The following ASPRV1 variants were observed in gnomAD, a reference collection of about 807,000 sequenced individuals.
ASPRV1 encodes the protein retroviral-like aspartic protease 1.
ASPRV1 carries 7 observed loss-of-function variants against 11.0 expected under a neutral mutation model. That is an observed-to-expected ratio of 0.64 (90% CI 0.36 to 1.20). The LOEUF is 1.20. Among genes scored for constraint, ASPRV1 ranks in the 50% most tolerant of loss-of-function variants. The pLI, the probability that ASPRV1 is intolerant of heterozygous loss-of-function variation, is 0.02. For missense variants in ASPRV1, 299 were observed against 320.0 expected, an observed-to-expected ratio of 0.93 and a Z score of 0.50; for synonymous variants, 136 against 138.4, an observed-to-expected ratio of 0.98 and a Z score of 0.12.
At chr2:69,957,885 A>T (rs942580003), downstream of ASPRV1, among the ~76,000 whole-genome samples, 1 of 152,076 alleles carries the variant, frequency 6.6e-6, no homozygotes, top group African/African-American at 2.4e-5. Context: ...CCTCCTTTCC[A>T]TCATTGCAAA....
the ASPRV1 span, among the ~76,000 whole-genome samples, chr2:70,074,857 C>CTATAATCCCA: frequency 1.3e-5 from 2 of 151,336 alleles, no homozygotes; most frequent in Non-Finnish European, 2.9e-5. Flanking sequence ...TGGCTCACGC[C>CTATAATCCCA]TATAATCCCA....
At chr2:70,009,892 G>T in the ASPRV1 span, among the ~76,000 whole-genome samples, 15 of 152,166 alleles carry the variant, frequency 9.9e-5, no homozygotes, top group Non-Finnish European at 2.9e-5. Flanking sequence ...GTATCTGTAG[G>T]GCGAAGCCCC....
the ASPRV1 span, among the ~76,000 whole-genome samples, chr2:69,982,728 C>T: frequency 6.6e-6 from 1 of 152,078 alleles, no homozygotes; most frequent in African/African-American, 2.4e-5. Flanking sequence ...GGGCTGCTTC[C>T]CCCCTTCTCA....
chr2:69,945,332 A>G, the ASPRV1 span, among the ~76,000 whole-genome samples: 1 of 152,324 alleles, frequency 6.6e-6, no homozygotes, highest in South Asian at 2.1e-4. Flanking sequence ...AATATATATA[A>G]AAGTAAAGGA....
chr2:70,070,133 C>T, the ASPRV1 span, among the ~76,000 whole-genome samples: 7 of 129,952 alleles, frequency 5.4e-5, no homozygotes, highest in South Asian at 2.5e-4. Flanking sequence ...GAGCTGGGAT[C>T]GTGCCATTGC....
chr2:69,958,978 G>C (rs1287105701), downstream of ASPRV1, among the ~76,000 whole-genome samples: 1 of 152,288 alleles, frequency 6.6e-6, no homozygotes, highest in African/African-American at 2.4e-5. Context: ...GCCCAGGGAA[G>C]GGGCCTCGGT....
chr2:70,039,002 G>T, the ASPRV1 span, among the ~76,000 whole-genome samples: 1 of 151,540 alleles, frequency 6.6e-6, no homozygotes, highest in Non-Finnish European at 1.5e-5. Flanking sequence ...TCACTTGAAC[G>T]TGGGAGGCAA....
chr2:69,956,451 GGAAGAAGAAGAA>G (rs112463800), downstream of ASPRV1, among the ~76,000 whole-genome samples: 1 of 97,998 alleles, frequency 1.0e-5, no homozygotes, highest in East Asian at 3.7e-4. Context: ...AAGGAGAAGA[GGAAGAAGAAGAA>G]GAAGAAGAAG....
At chr2:70,050,630 T>C in the ASPRV1 span, 2 of 152,150 alleles carry the variant, frequency 1.3e-5, no homozygotes, top group Non-Finnish European at 2.9e-5. Context: ...TGTTAACTCT[T>C]ACAAATTAAT....
chr2:70,053,164 T>G, the ASPRV1 span, among the ~76,000 whole-genome samples: 46 of 152,288 alleles, frequency 3.0e-4, no homozygotes, highest in Non-Finnish European at 2.8e-4. Context: ...GAAGGAAAGC[T>G]GCCGAGGGTG....
the ASPRV1 span, among the ~76,000 whole-genome samples, chr2:70,033,337 C>A: frequency 1.3e-4 from 19 of 151,146 alleles, no homozygotes; most frequent in East Asian, 2.7e-3. Context: ...ACTCAAAACA[C>A]TGTGTGCCCA....
the ASPRV1 span, among the ~76,000 whole-genome samples, chr2:70,011,025 CAT>C: frequency 2.0e-5 from 3 of 152,104 alleles, no homozygotes; most frequent in Admixed American, 2.0e-4. Flanking sequence ...CCAACTACCA[CAT>C]GTTCTCACTT....
In ASPRV1 at chr2:69,960,382, C is replaced by A; in HGVS notation, c.*275G>T. The A allele has an allele frequency of 2.4e-6, 1 of 418,878 alleles. No homozygotes were observed. The highest frequency in any genetic ancestry group is 3.8e-5 in the Admixed American group (1 of 26,362). 25.9% of individuals were successfully genotyped at this position (418,878 alleles called of 1,614,324 possible). A position where few individuals can be genotyped will look rare whatever the true frequency, so the allele number is the denominator to read the frequency against. On this transcript the variant is annotated 3_prime_UTR_variant, in exon 1 of 1. Transcript: ENST00000320256. ...TTTCTAGCTTCCTTGGGAGCTCTTCCAGCCTTTGAGTCTTTGTCATCAACA... is the reference window on the plus strand; with the variant it reads ...TTTCTAGCTTCCTTGGGAGCTCTTCAAGCCTTTGAGTCTTTGTCATCAACA...
At chr2:69,995,907 T>G in the ASPRV1 span, among the ~76,000 whole-genome samples, 9 of 152,172 alleles carry the variant, frequency 5.9e-5, no homozygotes, top group Admixed American at 5.9e-4. Context: ...TGCCTGCTTT[T>G]GCAGATGGTT....
the ASPRV1 span, among the ~76,000 whole-genome samples, chr2:69,966,955 C>T: frequency 2.0e-5 from 3 of 152,022 alleles, no homozygotes; most frequent in African/African-American, 7.3e-5. Context: ...GAGAGAGAAA[C>T]GGAAAAACAG....
the ASPRV1 span, among the ~76,000 whole-genome samples, chr2:70,065,819 C>CAAAAAAAAAAAAAAAA: frequency 3.0e-4 from 20 of 67,444 alleles, no homozygotes; most frequent in African/African-American, 7.1e-4. Flanking sequence ...GCTTTTGACT[C>CAAAAAAAAAAAAAAAA]AAAAAAAAAA....
chr2:69,998,085 A>C, the ASPRV1 span: 1 of 151,956 alleles, frequency 6.6e-6, no homozygotes, highest in Non-Finnish European at 1.5e-5. Flanking sequence ...CCCCTTTATA[A>C]AGCCGAAATT....
At chr2:69,952,329 G>A in the ASPRV1 span, among the ~76,000 whole-genome samples, 1 of 152,016 alleles carries the variant, frequency 6.6e-6, no homozygotes, top group African/African-American at 2.4e-5. Flanking sequence ...GAGCAATATG[G>A]CAAAACCCCG....
At chr2:70,080,447 G>A in the ASPRV1 span, among the ~76,000 whole-genome samples, 3 of 152,050 alleles carry the variant, frequency 2.0e-5, no homozygotes, top group East Asian at 1.9e-4. Context: ...GGCTGGTCTC[G>A]AACTCCTGAC....
Sources: gnomAD v4.1 joint callset for allele counts (sites outside exome capture counted in the v4.1 genomes callset) on GRCh38, gnomAD v4.1.1 for gene constraint, MANE v1.5 for transcripts, NCBI Gene and HGNC (gene_info 2026-07-23, HGNC 2026-07-21) for gene names.